SLC71A2: variants seen among roughly 807,000 people sequenced by gnomAD.
SLC71A2 encodes the protein solute carrier family 71 member 2, also known as hippocampus abundant transcript-like 1.
chr9:94,375,338 T>C, the SLC71A2 span, among the ~76,000 whole-genome samples: 1 of 151,850 alleles, frequency 6.6e-6, no homozygotes, highest in Non-Finnish European at 1.5e-5. Flanking sequence ...TGCTGCTCCT[T>C]CCGTGTTCTC....
the SLC71A2 span, among the ~76,000 whole-genome samples, chr9:94,385,777 G>A: frequency 7.2e-5 from 11 of 151,880 alleles, no homozygotes; most frequent in African/African-American, 2.4e-4. Flanking sequence ...ATCAGGAAGT[G>A]TGTGTTTTCC....
the SLC71A2 span, among the ~76,000 whole-genome samples, chr9:94,428,374 C>T: frequency 7.6e-6 from 1 of 131,352 alleles, no homozygotes; most frequent in Non-Finnish European, 1.6e-5. Context: ...TTCTTCAGTA[C>T]AGGCAGGTAG....
the SLC71A2 span, among the ~76,000 whole-genome samples, chr9:94,428,915 T>C: frequency 1.3e-5 from 2 of 151,736 alleles, no homozygotes; most frequent in Non-Finnish European, 2.9e-5. Flanking sequence ...CTTGGAATTA[T>C]ACAATACAAT....
the SLC71A2 span, among the ~76,000 whole-genome samples, chr9:94,439,734 T>C: frequency 1.3e-5 from 2 of 152,128 alleles, no homozygotes; most frequent in Middle Eastern, 3.2e-3. Context: ...TGGGACTTTT[T>C]AATGTCCTTT....
the SLC71A2 span, chr9:94,445,136 T>G: frequency 1.2e-6 from 2 of 1,614,120 alleles, no homozygotes; most frequent in Admixed American, 1.7e-5. Flanking sequence ...ATGAGACCGG[T>G]TTCCTGGGGA....
the SLC71A2 span, among the ~76,000 whole-genome samples, chr9:94,430,937 G>A: frequency 6.6e-6 from 1 of 152,060 alleles, no homozygotes. Context: ...AAGCATATGA[G>A]TATAGGGTCT....
the SLC71A2 span, chr9:94,446,942 T>TA: frequency 1.5e-6 from 2 of 1,371,850 alleles, no homozygotes; most frequent in Non-Finnish European, 2.1e-6. Flanking sequence ...GGCAGGTGAG[T>TA]AGTGAGTGGC....
chr9:94,378,739 C>T, the SLC71A2 span, among the ~76,000 whole-genome samples: 1 of 152,178 alleles, frequency 6.6e-6, no homozygotes, highest in Admixed American at 6.5e-5. Context: ...CACTAGACCC[C>T]ACCTCCAACA....
the SLC71A2 span, among the ~76,000 whole-genome samples, chr9:94,406,066 A>ATTTTTTTTTTTTT: frequency 1.3e-4 from 8 of 63,616 alleles, 1 homozygote; most frequent in African/African-American, 2.2e-4. Context: ...TGCAACTTGA[A>ATTTTTTTTTTTTT]TTTTTTTTTT....
the SLC71A2 span, among the ~76,000 whole-genome samples, chr9:94,444,178 C>T: frequency 6.6e-6 from 1 of 152,106 alleles, no homozygotes; most frequent in African/African-American, 2.4e-5. Context: ...GGAGTTTGCC[C>T]GATAAGCATC....
chr9:94,457,743 A>T, the SLC71A2 span, among the ~76,000 whole-genome samples: 1 of 152,252 alleles, frequency 6.6e-6, no homozygotes, highest in Non-Finnish European at 1.5e-5. Flanking sequence ...AGCATATAAA[A>T]GTTTTGGAAC....
the SLC71A2 span, among the ~76,000 whole-genome samples, chr9:94,450,489 G>GT: frequency 1.8e-4 from 10 of 55,914 alleles, no homozygotes; most frequent in East Asian, 3.3e-4. Flanking sequence ...GCAAAATAAT[G>GT]TAACTTTTTT....
At chr9:94,426,275 T>A in the SLC71A2 span, among the ~76,000 whole-genome samples, 1 of 152,062 alleles carries the variant, frequency 6.6e-6, no homozygotes, top group Non-Finnish European at 1.5e-5. Flanking sequence ...GTGATTGTTA[T>A]CCTGGTGCCA....
At chr9:94,400,628 A>AC in the SLC71A2 span, among the ~76,000 whole-genome samples, 1 of 149,348 alleles carries the variant, frequency 6.7e-6, no homozygotes, top group South Asian at 2.1e-4. Context: ...CTTTCCCCAT[A>AC]CCCCCTTTAG....
chr9:94,458,525 G>A, the SLC71A2 span: 2 of 1,516,512 alleles, frequency 1.3e-6, no homozygotes, highest in Non-Finnish European at 1.8e-6. Flanking sequence ...GCAAAATCTT[G>A]TGACCTTAAA....
At chr9:94,414,636 G>A in the SLC71A2 span, among the ~76,000 whole-genome samples, 4 of 152,056 alleles carry the variant, frequency 2.6e-5, no homozygotes, top group Non-Finnish European at 5.9e-5. Flanking sequence ...AGTGATTTGC[G>A]TCGATGGGAT....
At chr9:94,451,964 C>T in the SLC71A2 span, among the ~76,000 whole-genome samples, 1 of 152,234 alleles carries the variant, frequency 6.6e-6, no homozygotes, top group Non-Finnish European at 1.5e-5. Flanking sequence ...CCATCCCAGG[C>T]CCCTGGGGGC....
the SLC71A2 span, among the ~76,000 whole-genome samples, chr9:94,446,050 C>CTG: frequency 1.3e-5 from 2 of 152,196 alleles, no homozygotes; most frequent in African/African-American, 4.8e-5. Context: ...CAAAGCTCCT[C>CTG]TGTGAAGTAG....
chr9:94,447,314 G>C, the SLC71A2 span, among the ~76,000 whole-genome samples: 1 of 151,742 alleles, frequency 6.6e-6, no homozygotes, highest in African/African-American at 2.4e-5. Flanking sequence ...CGAGTAGCTG[G>C]GATTACAGGC....
Sources: gnomAD v4.1 joint callset for allele counts (sites outside exome capture counted in the v4.1 genomes callset) on GRCh38, gnomAD v4.1.1 for gene constraint, MANE v1.5 for transcripts, NCBI Gene and HGNC (gene_info 2026-07-23, HGNC 2026-07-21) for gene names.